The following SMS variants were observed in gnomAD, a reference collection of about 807,000 sequenced individuals.
SMS encodes spermine synthase.
A neutral mutation model predicts 33.0 loss-of-function variants in SMS; 3 were observed. That is an observed-to-expected ratio of 0.09 (90% confidence interval 0.04 to 0.23). SMS has a LOEUF of 0.23. SMS is among the 10% of genes least tolerant of loss of function. The pLI is 1.00. For synonymous variants in SMS, 103 were observed against 112.2 expected, an observed-to-expected ratio of 0.92 and a Z score of 0.52; for missense variants, 117 against 288.6, an observed-to-expected ratio of 0.41 and a Z score of 4.31.
At chrX:21,971,281 T>G (rs1924139635) in intron 2 of SMS, among the ~76,000 whole-genome samples, 1 of 93,481 alleles carries the variant, frequency 1.1e-5, no homozygotes, top group Non-Finnish European at 2.2e-5. Context: ...CTCAAATATG[T>G]TTATTTCATT....
At chrX:21,982,955 C>G (rs1449627674) in intron 7 of SMS, among the ~76,000 whole-genome samples, 1 of 112,166 alleles carries the variant, frequency 8.9e-6, no homozygotes, top group Non-Finnish European at 1.9e-5. Context: ...GTCCCAGTTT[C>G]TTAAAATTAT....
chrX:21,942,558 C>T (rs1209976873), intron 1 of SMS, among the ~76,000 whole-genome samples: 1 of 111,855 alleles, frequency 8.9e-6, no homozygotes, highest in Non-Finnish European at 1.9e-5. Flanking sequence ...ATTTTAGTTC[C>T]CACATTTCTT....
chrX:21,970,421 T>C (rs1924050550), intron 2 of SMS, among the ~76,000 whole-genome samples: 1 of 111,701 alleles, frequency 9.0e-6, no homozygotes, highest in South Asian at 3.8e-4. Flanking sequence ...CTATTGTTCC[T>C]TCCCCCTCTC....
At chrX:21,944,751 GC>G (rs1432270435) in intron 1 of SMS, among the ~76,000 whole-genome samples, 1 of 110,206 alleles carries the variant, frequency 9.1e-6, no homozygotes, top group Non-Finnish European at 1.9e-5. Context: ...GCTGAGGTGG[GC>G]AGATCACCTG....
chrX:21,971,848 TA>T, intron 2 of SMS, 48 bp from the exon 3 acceptor site: 1 of 832,246 alleles, frequency 1.2e-6, no homozygotes, highest in Non-Finnish European at 1.8e-6. Flanking sequence ...CTTTTTTTTT[TA>T]ATGCCCCGAT....
chrX:21,993,632 C>A (rs2146961023), intron 10 of SMS, among the ~76,000 whole-genome samples: 1 of 112,238 alleles, frequency 8.9e-6, no homozygotes, highest in Admixed American at 9.4e-5. Flanking sequence ...GCAATGAGAA[C>A]CCTCTAGATC....
intron 4 of SMS, among the ~76,000 whole-genome samples, chrX:21,973,116 A>C (rs1404870688): frequency 9.0e-6 from 1 of 110,980 alleles, no homozygotes; most frequent in African/African-American, 3.3e-5. Flanking sequence ...AGGTAAAATG[A>C]AACTAAGGCA....
chrX:21,972,029 C>T (rs770080245), intron 3 of SMS, 39 bp downstream of exon 3: 9 of 868,618 alleles, frequency 1.0e-5, no homozygotes, highest in Non-Finnish European at 1.5e-5. Flanking sequence ...GTTTAAGGAT[C>T]ATAGTATCTG....
intron 2 of SMS, among the ~76,000 whole-genome samples, chrX:21,970,764 T>TTA (rs1555999383): frequency 9.7e-6 from 1 of 102,928 alleles, no homozygotes. Flanking sequence ...TTTTTTTTTT[T>TTA]AATCCAAGCA....
rs1006220467 is a variant in SMS, at chrX:21,959,881, C to T, written c.50-7315C>T. On this transcript the variant is annotated intron_variant, in intron 1 of 10. Transcript: ENST00000404933. ...AGACTGGCTCTATTGCCAGCCAGCTCGCACACCATCTTCCCGTGGAGAGAG... is the reference window on the plus strand; with the variant it reads ...AGACTGGCTCTATTGCCAGCCAGCTTGCACACCATCTTCCCGTGGAGAGAG... 2.1e-5 allele frequency: 16 copies of T among 746,548 alleles called. No homozygotes were observed. The African/African-American group carries it at 2.3e-4, about 11-fold the overall frequency. The allele number at this position is 746,548 out of a possible 1,213,427, so 61.5% of individuals were successfully genotyped here.
intron 9 of SMS, among the ~76,000 whole-genome samples, chrX:21,990,800 A>G (rs1925706923): frequency 8.9e-6 from 1 of 112,927 alleles, no homozygotes; most frequent in Non-Finnish European, 1.9e-5. Flanking sequence ...GATGTGTTCT[A>G]AAAACAACTG....
chrX:21,972,457 C>A (rs1366311191), intron 3 of SMS, 50 bp from the exon 4 acceptor site: 1 of 865,282 alleles, frequency 1.2e-6, no homozygotes, highest in East Asian at 3.2e-5. Context: ...TAATTTAGTT[C>A]TTCCATGCAG....
intron 1 of SMS, among the ~76,000 whole-genome samples, chrX:21,954,694 G>A (rs764528551): frequency 6.3e-5 from 7 of 111,824 alleles, no homozygotes; most frequent in Non-Finnish European, 1.1e-4. Context: ...CCTCCTCAGC[G>A]ACATGTGTAT....
intron 1 of SMS, among the ~76,000 whole-genome samples, chrX:21,945,634 T>TCCCCCCCCCCCCC (rs376720187): frequency 6.7e-4 from 23 of 34,138 alleles, no homozygotes; most frequent in African/African-American, 8.3e-4. Context: ...TTGCTTCCCG[T>TCCCCCCCCCCCCC]CCCCCCCCCC....
At chrX:21,984,276 A>G (rs1443897282) in intron 7 of SMS, 28 bp from the exon 8 acceptor site, 1 of 892,195 alleles carries the variant, frequency 1.1e-6, no homozygotes, top group Non-Finnish European at 1.7e-6. Context: ...ATGTTGGCTC[A>G]CTCATCTATT....
intron 1 of SMS, among the ~76,000 whole-genome samples, chrX:21,954,007 C>T (rs1279012418): frequency 9.1e-6 from 1 of 109,606 alleles, no homozygotes; most frequent in Non-Finnish European, 1.9e-5. Context: ...GAATTCGGTA[C>T]TCTTAAGTAT....
intron 1 of SMS, among the ~76,000 whole-genome samples, chrX:21,953,205 A>G (rs922274450): frequency 9.1e-5 from 10 of 109,546 alleles, no homozygotes; most frequent in African/African-American, 3.3e-4. Flanking sequence ...GAGGATATTT[A>G]TTATTTAGGT....
At chrX:21,950,531 A>G (rs754611362) in intron 1 of SMS, among the ~76,000 whole-genome samples, 2 of 105,148 alleles carry the variant, frequency 1.9e-5, no homozygotes, top group African/African-American at 7.0e-5. Context: ...GGTCTGCTAT[A>G]CCTATCAACC....
intron 9 of SMS, among the ~76,000 whole-genome samples, chrX:21,988,662 CAAAAAAA>C (rs199561897): frequency 9.1e-5 from 6 of 66,152 alleles, no homozygotes; most frequent in East Asian, 5.1e-4. Flanking sequence ...GACTCTGTCT[CAAAAAAA>C]AAAAAAAAAA....
Sources: gnomAD v4.1 joint callset for allele counts (sites outside exome capture counted in the v4.1 genomes callset) on GRCh38, gnomAD v4.1.1 for gene constraint, MANE v1.5 for transcripts, NCBI Gene and HGNC (gene_info 2026-07-23, HGNC 2026-07-21) for gene names.